The following NCAPD2 variants were observed in gnomAD, a reference collection of about 807,000 sequenced individuals.
The protein encoded by NCAPD2 is non-SMC condensin I complex subunit D2, also known as condensin complex subunit 1.
NCAPD2 carries 100 observed loss-of-function variants against 164.5 expected under a neutral mutation model. That is an observed-to-expected ratio of 0.61 (90% CI 0.52 to 0.72). NCAPD2 has a LOEUF of 0.72. Ranked by LOEUF, NCAPD2 falls within the 30% of genes least tolerant of loss-of-function variation. The pLI is 0.00. For synonymous variants in NCAPD2, 585 were observed against 642.6 expected, an observed-to-expected ratio of 0.91 and a Z score of 1.36; for missense variants, 1,560 against 1,749.2, an observed-to-expected ratio of 0.89 and a Z score of 1.93.
At position 6,526,335 on chromosome 12, in the gene NCAPD2, A is replaced by G. The variant is rs1311761425; in HGVS notation, c.2530A>G (p.Arg844Gly). ...CCCCTTCCGGCTGCCTCAGGAACAC[A>G]GGTTGTTTGAGCGACTGCGGGAGAC... ...HPPFRLPQEH[R>G]LFERLRETVT... The change falls in exon 20 of 32, where the codon AGG (arginine) becomes GGG (glycine). Residue 844 changes from arginine to glycine, a missense_variant. Arg to Gly is a moderately radical substitution (Grantham distance 125). Coordinates refer to ENST00000315579, the MANE Select transcript of NCAPD2 (RefSeq NM_014865.4). 4 of 1,613,934 alleles carry G rather than the reference A, an allele frequency of 2.5e-6. No homozygotes were observed. The highest frequency in any genetic ancestry group is 3.4e-6 in the Non-Finnish European group (4 of 1,180,002).
At chr12:6,502,325 A>T (rs2137038002) in intron 2 of NCAPD2, among the ~76,000 whole-genome samples, 1 of 152,330 alleles carries the variant, frequency 6.6e-6, no homozygotes, top group Admixed American at 6.5e-5. Context: ...CTCAATAGGA[A>T]GGGAAAGCCT....
chr12:6,529,014 G>A lies in NCAPD2; in HGVS notation c.3547G>A (p.Glu1183Lys). Residue 1183 changes from glutamate to lysine, a missense_variant, in exon 27 of 32, where the codon GAA becomes AAA. Transcript: ENST00000315579. ...RLSDPELGVE[E>K]EPFHTIMKQL... is the part of the protein sequence containing the mutation. ...GTCAGACCCCGAGCTGGGGGTGGAGGAAGAGCCTTTCCACACCATCATGAA... is the reference window on the plus strand; with the variant it reads ...GTCAGACCCCGAGCTGGGGGTGGAGAAAGAGCCTTTCCACACCATCATGAA... 1 of 1,612,922 alleles carries A rather than the reference G, an allele frequency of 6.2e-7. No homozygotes were observed. The highest frequency in any genetic ancestry group is 8.5e-7 in the Non-Finnish European group (1 of 1,179,978).
rs1946330853 is a variant in NCAPD2 at position 6,527,821 on chromosome 12, T to A, written c.2952T>A (p.Val984=). The A allele has an allele frequency of 1.2e-6, 2 of 1,613,832 alleles. No individual in the cohort carries two copies. Among genetic ancestry groups the A allele is most frequent in the Middle Eastern group, 1.7e-4 (1 of 6,060 alleles). ...CCATGGAGGAGGAGCTGGGGCTGGT[T>A]GGGGCAACAGCAGATGACACAGAGG... is the stretch of plus-strand genomic sequence containing the variant. ...ETTMEEELGL[V]GATADDTEAE... is the part of the protein sequence containing the mutation. The change falls in exon 23 of 32, where the codon GTT becomes GTA. Residue 984 remains valine, a synonymous_variant. Coordinates refer to ENST00000315579, the MANE Select transcript of NCAPD2 (RefSeq NM_014865.4).
intron 21 of NCAPD2, 66 bp from the exon 22 acceptor site, chr12:6,526,825 C>T (rs903958979): frequency 1.8e-5 from 27 of 1,527,352 alleles, no homozygotes; most frequent in Middle Eastern, 2.4e-4. Context: ...CAGTAAAAAT[C>T]GGATTCAGGT....
Position 6,526,920 on chromosome 12 carries a change from C to T in NCAPD2, c.2764C>T (p.Leu922=). 6.2e-7 allele frequency: 1 copy of T among 1,613,828 alleles called. No homozygotes were observed. Among genetic ancestry groups the T allele is most frequent in the African/African-American group, 1.3e-5 (1 of 75,056 alleles). Residue 922 remains leucine (L), a synonymous_variant, in exon 22 of 32, where the codon CTG becomes TTG. Transcript: ENST00000315579. ...GTCCCCCGCAATGCTCCCCACTTTC[C>T]TGTTGATGAACCTGCTGTCCCTGGC... is the stretch of plus-strand genomic sequence containing the variant. ...KESPAMLPTF[L]LMNLLSLAGD...
chr12:6,518,504 G>GTTTTTTGTTTTTTTTTTTTTTTTTTTT (rs1946226490), intron 13 of NCAPD2, among the ~76,000 whole-genome samples: 1 of 44,774 alleles, frequency 2.2e-5, no homozygotes, highest in African/African-American at 1.0e-4. Flanking sequence ...CCGTCAACAA[G>GTTTTTTGTTTTTTTTTTTTTTTTTTTT]TTTTTTTTTT....
At chr12:6,502,795 A>G (rs1184712357) in intron 2 of NCAPD2, among the ~76,000 whole-genome samples, 1 of 151,874 alleles carries the variant, frequency 6.6e-6, no homozygotes, top group Non-Finnish European at 1.5e-5. Context: ...CCTGCGCAAC[A>G]CAACAAACCC....
intron 14 of NCAPD2, 124 bp downstream of exon 14, chr12:6,521,234 G>A: frequency 8.2e-7 from 1 of 1,214,186 alleles, no homozygotes; most frequent in Non-Finnish European, 1.1e-6. Flanking sequence ...GAGATGAATT[G>A]GCATTACTTT....
chr12:6,509,841 G>A, intron 3 of NCAPD2, 49 bp downstream of exon 3: 1 of 1,576,140 alleles, frequency 6.3e-7, no homozygotes, highest in Non-Finnish European at 8.7e-7. Context: ...GTGACTGTTT[G>A]TCCTAACTGT....
intron 13 of NCAPD2, among the ~76,000 whole-genome samples, chr12:6,519,176 C>T (rs935297592): frequency 3.3e-5 from 5 of 152,200 alleles, no homozygotes; most frequent in Admixed American, 6.5e-5. Context: ...AGGCTTGAGC[C>T]ACCGTGCCCG....
intron 6 of NCAPD2, among the ~76,000 whole-genome samples, chr12:6,511,482 G>A (rs528872012): frequency 2.0e-4 from 30 of 151,964 alleles, no homozygotes; most frequent in African/African-American, 6.5e-4. Context: ...ACAGGTGCCC[G>A]CCACCACAAG....
intron 2 of NCAPD2, among the ~76,000 whole-genome samples, chr12:6,500,546 G>A (rs1314914419): frequency 1.3e-5 from 2 of 152,170 alleles, no homozygotes; most frequent in Non-Finnish European, 2.9e-5. Flanking sequence ...TCCTCAAAAT[G>A]TGGTCCTCAG....
chr12:6,526,717 A>G, intron 21 of NCAPD2, 102 bp downstream of exon 21: 4 of 1,485,294 alleles, frequency 2.7e-6, no homozygotes, highest in Non-Finnish European at 3.7e-6. Context: ...CCCTTAGTGT[A>G]CACTGTGTCG....
At chr12:6,507,467 T>G (rs1454196216) in intron 2 of NCAPD2, among the ~76,000 whole-genome samples, 1 of 152,242 alleles carries the variant, frequency 6.6e-6, no homozygotes, top group East Asian at 1.9e-4. Flanking sequence ...CCAGTCGCCG[T>G]GAAAGCACAC....
At chr12:6,522,721 T>C (rs1465911035) in intron 15 of NCAPD2, 107 bp from the exon 16 acceptor site, 1 of 1,246,240 alleles carries the variant, frequency 8.0e-7, no homozygotes, top group Admixed American at 2.1e-5. Context: ...TCAGGGAAAA[T>C]GCGGAAGGCC....
intron 2 of NCAPD2, among the ~76,000 whole-genome samples, chr12:6,505,620 C>T (rs1946092018): frequency 6.6e-6 from 1 of 152,130 alleles, no homozygotes; most frequent in Non-Finnish European, 1.5e-5. Context: ...AGGTGGATCA[C>T]CTGAAATCAG....
At position 6,523,238 on chromosome 12, in the gene NCAPD2, C is replaced by T. The variant is rs201610465; in HGVS notation, c.2130-24C>T. 2.6e-4 allele frequency: 420 copies of T among 1,606,084 alleles called. 1 individual carries two copies. In the African/African-American group the frequency reaches 4.4e-3, roughly 17 times the overall value. ...TTCAGCTTCCCAATCTTATAGTGAC[C>T]GCTGATCTCTGCTGTTCCCACAGAG... is the stretch of plus-strand genomic sequence containing the variant. On this transcript the variant is annotated intron_variant, in intron 16 of 31. Transcript: ENST00000315579.
intron 2 of NCAPD2, among the ~76,000 whole-genome samples, chr12:6,504,170 CAT>C (rs1360372868): frequency 8.3e-6 from 1 of 121,104 alleles, no homozygotes; most frequent in Admixed American, 8.6e-5. Flanking sequence ...TCAGTTTTGA[CAT>C]ATATATATAC....
intron 29 of NCAPD2, 141 bp downstream of exon 29, chr12:6,530,099 G>A (rs2137062770): frequency 1.3e-6 from 1 of 792,174 alleles, no homozygotes; most frequent in East Asian, 2.8e-5. Context: ...TTGCCAGAGT[G>A]ACCTAAGACC....
Sources: gnomAD v4.1 joint callset for allele counts (sites outside exome capture counted in the v4.1 genomes callset) on GRCh38, gnomAD v4.1.1 for gene constraint, MANE v1.5 for transcripts, NCBI Gene and HGNC (gene_info 2026-07-23, HGNC 2026-07-21) for gene names.